The following THRAP3 variants were observed in gnomAD, a reference collection of about 807,000 sequenced individuals.
THRAP3 encodes the protein thyroid hormone receptor-associated protein 3.
THRAP3 carries 16 observed loss-of-function variants against 101.0 expected under a neutral mutation model. The observed-to-expected ratio is 0.16, with a 90% CI of 0.11 to 0.24. THRAP3 has a LOEUF of 0.24. Among genes scored for constraint, THRAP3 ranks in the 10% least tolerant of loss-of-function variants. The pLI, the probability that THRAP3 is intolerant of heterozygous loss-of-function variation, is 1.00. For missense variants in THRAP3, 989 were observed against 1,202.7 expected, an observed-to-expected ratio of 0.82 and a Z score of 2.63; for synonymous variants, 407 against 422.6, an observed-to-expected ratio of 0.96 and a Z score of 0.45.
intron 2 of THRAP3, among the ~76,000 whole-genome samples, chr1:36,278,862 G>T (rs1039449146): frequency 1.3e-5 from 2 of 151,888 alleles, no homozygotes; most frequent in African/African-American, 4.8e-5. Context: ...GGCAGAGGTT[G>T]CAGTGAGCTG....
chr1:36,224,104 T>C (rs1644928340), upstream of THRAP3, among the ~76,000 whole-genome samples: 1 of 151,672 alleles, frequency 6.6e-6, no homozygotes, highest in Non-Finnish European at 1.5e-5. Flanking sequence ...TGGCCCGGAG[T>C]GGGTGGGGCT....
chr1:36,222,474 T>A (rs1386398836), upstream of THRAP3, among the ~76,000 whole-genome samples: 2 of 152,006 alleles, frequency 1.3e-5, no homozygotes, highest in Admixed American at 1.3e-4. Flanking sequence ...TGGCATGATC[T>A]CGGCTCACTG....
chr1:36,304,113 A>G lies in THRAP3; in HGVS notation c.*96A>G. On this transcript the variant is annotated 3_prime_UTR_variant, in exon 12 of 12. Coordinates refer to ENST00000354618, the MANE Select transcript of THRAP3 (RefSeq NM_005119.4). ...AGAGGAACCTCAAGAAGATTCTGAA[A>G]ATCCTACCCCCACCCCCCACCAGCC... 1.4e-6 allele frequency: 2 copies of G among 1,430,964 alleles called. No individual in the cohort carries two copies. Among genetic ancestry groups the G allele is most frequent in the East Asian group, 2.6e-5 (1 of 38,804 alleles). 88.6% of individuals were successfully genotyped at this position (1,430,964 alleles called of 1,614,324 possible).
the THRAP3 span, among the ~76,000 whole-genome samples, chr1:36,208,010 C>G: frequency 2.6e-5 from 4 of 152,164 alleles, no homozygotes; most frequent in Non-Finnish European, 5.9e-5. Context: ...CCCGGCTAGT[C>G]TTGAACTCCG....
rs989509150 is a variant in THRAP3 at position 36,252,115 on chromosome 1, T to G, written c.-134-7267T>G. On this transcript the variant is annotated intron_variant, in intron 1 of 11. Coordinates refer to ENST00000354618, the MANE Select transcript of THRAP3 (RefSeq NM_005119.4). ...TTTGAGAATTACTATTCATGAGGGTTTATTTTTATTTTTATTTATTTATTT... is the reference window on the plus strand; with the variant it reads ...TTTGAGAATTACTATTCATGAGGGTGTATTTTTATTTTTATTTATTTATTT... Among the ~76,000 whole-genome samples, 65 of 152,278 alleles carry G rather than the reference T, an allele frequency of 4.3e-4. 1 individual carries two copies. Among genetic ancestry groups the G allele is most frequent in the African/African-American group, 1.4e-3 (60 of 41,558 alleles).
chr1:36,221,772 G>C (rs1304458596), upstream of THRAP3, among the ~76,000 whole-genome samples: 4 of 150,480 alleles, frequency 2.7e-5, no homozygotes, highest in African/African-American at 7.3e-5. Context: ...TTTTAGTAGC[G>C]ACGGAGTTTC....
the THRAP3 span, among the ~76,000 whole-genome samples, chr1:36,213,997 G>GGAAAGAAA: frequency 1.8e-4 from 15 of 81,084 alleles, no homozygotes; most frequent in East Asian, 7.3e-4. Context: ...AAGAAAGAAA[G>GGAAAGAAA]GAAAGAAAGA....
At chr1:36,209,831 G>C in the THRAP3 span, among the ~76,000 whole-genome samples, 1 of 152,214 alleles carries the variant, frequency 6.6e-6, no homozygotes. Flanking sequence ...AGAGGAGTCA[G>C]TGATGTTACA....
At chr1:36,276,302 G>T (rs1399527581) in intron 2 of THRAP3, among the ~76,000 whole-genome samples, 2 of 151,788 alleles carry the variant, frequency 1.3e-5, no homozygotes, top group Non-Finnish European at 2.9e-5. Context: ...AGGCAGGCGG[G>T]TCATGAGGTC....
intron 2 of THRAP3, among the ~76,000 whole-genome samples, chr1:36,282,258 G>T (rs1645742287): frequency 1.3e-5 from 2 of 150,834 alleles, no homozygotes; most frequent in Non-Finnish European, 1.5e-5. Context: ...TTGGAGATAG[G>T]GTATTGCTCT....
Position 36,282,708 on chromosome 1 carries a change from G to A in THRAP3, c.137+8G>A. On this transcript the variant is annotated splice_region_variant and intron_variant, in intron 3 of 11. Coordinates refer to ENST00000354618, the MANE Select transcript of THRAP3 (RefSeq NM_005119.4). ...AAGGAAGCGCAGGCTGAGGTAAGGG[G>A]GTGTGACTTTGTATATTGAGATAAT... 6.2e-7 allele frequency: 1 copy of A among 1,613,856 alleles called. No homozygotes were observed. Among genetic ancestry groups the A allele is most frequent in the African/African-American group, 1.3e-5 (1 of 75,000 alleles).
intron 8 of THRAP3, among the ~76,000 whole-genome samples, chr1:36,294,646 G>T (rs1191160270): frequency 6.6e-6 from 1 of 152,158 alleles, no homozygotes; most frequent in Non-Finnish European, 1.5e-5. Flanking sequence ...AAAAATACTT[G>T]TTTTGTTGGT....
At chr1:36,248,266 C>G (rs1422969958) in intron 1 of THRAP3, among the ~76,000 whole-genome samples, 1 of 151,952 alleles carries the variant, frequency 6.6e-6, no homozygotes, top group Non-Finnish European at 1.5e-5. Flanking sequence ...ACTGGTCTGA[C>G]CCTGCCATAT....
rs1645102325 is a variant in THRAP3, at chr1:36,237,334, G to C, written c.-135+12829G>C. Among the ~76,000 whole-genome samples the C allele has an allele frequency of 5.3e-5, 8 of 151,856 alleles. No individual in the cohort carries two copies. The South Asian group carries it at 1.7e-3, about 32-fold the overall frequency. On this transcript the variant is annotated intron_variant, in intron 1 of 11. Coordinates refer to ENST00000354618, the MANE Select transcript of THRAP3 (RefSeq NM_005119.4). ...AATACAAAAATCAGCTGGGCGTGTT[G>C]GCAAGCACCTGTAATCGCAGCTACT...
intron 1 of THRAP3, among the ~76,000 whole-genome samples, chr1:36,241,076 A>G (rs924633918): frequency 1.3e-5 from 2 of 150,778 alleles, no homozygotes; most frequent in Non-Finnish European, 2.9e-5. Flanking sequence ...GCGTGGTGGC[A>G]GGTGCCTGTA....
At chr1:36,218,738 A>G in the THRAP3 span, among the ~76,000 whole-genome samples, 1 of 151,612 alleles carries the variant, frequency 6.6e-6, no homozygotes, top group South Asian at 2.1e-4. Flanking sequence ...AAAGGAAATT[A>G]AAAGTGCAAC....
chr1:36,282,726 G>A (rs1570322204), intron 3 of THRAP3, 26 bp downstream of exon 3: 1 of 1,612,922 alleles, frequency 6.2e-7, no homozygotes, highest in Non-Finnish European at 8.5e-7. Context: ...TTTGTATATT[G>A]AGATAATCAT....
intron 1 of THRAP3, among the ~76,000 whole-genome samples, chr1:36,249,704 G>GTGTGTGTA (rs1645275222): frequency 6.6e-6 from 1 of 151,644 alleles, no homozygotes; most frequent in Admixed American, 6.6e-5. Context: ...GTGTGTGTGT[G>GTGTGTGTA]TGTGTGTGTG....
intron 9 of THRAP3, 101 bp from the exon 10 acceptor site, chr1:36,300,785 A>T: frequency 8.4e-7 from 1 of 1,192,598 alleles, no homozygotes. Context: ...TTCTTCCATC[A>T]CAGGCATACT....
Sources: gnomAD v4.1 joint callset for allele counts (sites outside exome capture counted in the v4.1 genomes callset) on GRCh38, gnomAD v4.1.1 for gene constraint, MANE v1.5 for transcripts, NCBI Gene and HGNC (gene_info 2026-07-23, HGNC 2026-07-21) for gene names.